The following MMP15 variants were observed in gnomAD, a reference collection of about 807,000 sequenced individuals.
MMP15 encodes matrix metalloproteinase-15.
In MMP15, 36 loss-of-function variants were observed where a neutral mutation model predicts 65.0. That is an observed-to-expected ratio of 0.55 (90% confidence interval 0.42 to 0.73). The LOEUF (loss-of-function observed/expected upper bound fraction) is 0.73, where lower values mean the gene tolerates loss of function less well. Ranked by LOEUF, MMP15 falls within the 30% of genes least tolerant of loss-of-function variation. The probability of loss-of-function intolerance (pLI) is 0.00; values close to 1 mark genes in which losing one functional copy is unlikely to be tolerated. For synonymous variants in MMP15, 428 were observed against 410.2 expected (o/e 1.04, Z -0.52); for missense variants, 870 against 987.8 (o/e 0.88, Z 1.60).
chr16:58,037,587 C>T lies in MMP15; in HGVS notation c.278C>T (p.Pro93Leu), dbSNP rs968808352. 2.5e-6 allele frequency: 4 copies of T among 1,614,198 alleles called. No homozygotes were observed. Among genetic ancestry groups the T allele is most frequent in the Non-Finnish European group, 3.4e-6 (4 of 1,180,038 alleles). ...LAEMQRFYGIPVTGVLDEETK... is the reference protein window; with the variant it reads ...LAEMQRFYGILVTGVLDEETK... Reference sequence around the variant, plus strand: ...GAGATGCAGCGCTTCTACGGGATCCCAGTCACCGGTGTGCTCGACGAAGAG... The same window carrying T: ...GAGATGCAGCGCTTCTACGGGATCCTAGTCACCGGTGTGCTCGACGAAGAG... The change falls in exon 2 of 10, where the codon CCA becomes CTA. Residue 93 changes from proline (P) to leucine (L), a missense_variant. Pro to Leu is a moderately conservative substitution (Grantham distance 98). Coordinates refer to ENST00000219271, the MANE Select transcript of MMP15 (RefSeq NM_002428.4).
In MMP15 at chr16:58,042,317, T is replaced by A; in HGVS notation, c.1251T>A (p.Gly417=). The change falls in exon 7 of 10, where the codon GGT becomes GGA. Residue 417 remains glycine (G), a synonymous_variant. Coordinates refer to ENST00000219271, the MANE Select transcript of MMP15 (RefSeq NM_002428.4). ...GGCACTTCTGGCGTGGTCTGCCCGG[T>A]GACATCAGTGCTGCCTACGAGCGCC... ...PIGHFWRGLP[G]DISAAYERQD... 1.2e-6 allele frequency: 2 copies of A among 1,614,244 alleles called. No homozygotes were observed.
At chr16:58,043,923 C>T (rs528787076) in intron 9 of MMP15, among the ~76,000 whole-genome samples, 36 of 152,338 alleles carry the variant, frequency 2.4e-4, no homozygotes, top group South Asian at 1.0e-3. Context: ...TGCCTGCGTC[C>T]GGAGCTGGAG....
rs754307899 is a variant in MMP15, at chr16:58,043,207, T to C, written c.1304-3T>C. Reference sequence around the variant, plus strand: ...CTCACTGTGCCTGCCACCCCTCCTGTAGGTGACCGCTACTGGCTCTTTCGA... The same window carrying C: ...CTCACTGTGCCTGCCACCCCTCCTGCAGGTGACCGCTACTGGCTCTTTCGA... On this transcript the variant is annotated splice_region_variant and splice_polypyrimidine_tract_variant and intron_variant, in intron 7 of 9. Coordinates refer to ENST00000219271, the MANE Select transcript of MMP15 (RefSeq NM_002428.4). 4.4e-6 allele frequency: 7 copies of C among 1,585,658 alleles called. No individual in the cohort carries two copies. The African/African-American group carries it at 9.4e-5, about 21-fold the overall frequency.
Position 58,037,640 on chromosome 16 carries a change from C to T in MMP15, c.311+20C>T. The T allele has an allele frequency of 6.2e-7, 1 of 1,613,982 alleles. No individual in the cohort carries two copies. Among genetic ancestry groups the T allele is most frequent in the Non-Finnish European group, 8.5e-7 (1 of 1,179,944 alleles). Reference sequence around the variant, plus strand: ...CAAGGAGTGAGTTCCCCCCACCATCCACACCCCACAGGCACCTGCCTTCCA... The same window carrying T: ...CAAGGAGTGAGTTCCCCCCACCATCTACACCCCACAGGCACCTGCCTTCCA... On this transcript the variant is annotated intron_variant, in intron 2 of 9. Coordinates refer to ENST00000219271, the MANE Select transcript of MMP15 (RefSeq NM_002428.4).
intron 1 of MMP15, among the ~76,000 whole-genome samples, chr16:58,031,736 G>T (rs983838661): frequency 6.6e-6 from 1 of 152,054 alleles, no homozygotes; most frequent in Non-Finnish European, 1.5e-5. Flanking sequence ...AGACCCATGG[G>T]AGGGAGCAGA....
At chr16:58,039,830 GC>G (rs756065541) in intron 3 of MMP15, 44 bp from the exon 4 acceptor site, 19 of 1,549,356 alleles carry the variant, frequency 1.2e-5, no homozygotes, top group African/African-American at 2.7e-5. Context: ...AGGATAGTAG[GC>G]CCTTGGCCCT....
intron 1 of MMP15, among the ~76,000 whole-genome samples, chr16:58,030,736 T>G (rs1963881305): frequency 1.3e-5 from 2 of 152,146 alleles, no homozygotes; most frequent in Non-Finnish European, 2.9e-5. Flanking sequence ...TGATACATAG[T>G]GCACAACACG....
At chr16:58,033,440 C>T (rs1959270666) in intron 1 of MMP15, among the ~76,000 whole-genome samples, 1 of 152,210 alleles carries the variant, frequency 6.6e-6, no homozygotes, top group South Asian at 2.1e-4. Context: ...TGTGAGCATT[C>T]AGTGGGGGCT....
chr16:58,042,442 AGAGGAGGT>A, intron 7 of MMP15, 73 bp downstream of exon 7: 3 of 1,572,002 alleles, frequency 1.9e-6, no homozygotes, highest in Non-Finnish European at 1.7e-6. Context: ...ATCTGAGAGA[AGAGGAGGT>A]GAAGGGTTGC....
intron 4 of MMP15, 149 bp downstream of exon 4, chr16:58,040,331 G>A (rs577480657): frequency 5.7e-6 from 6 of 1,048,270 alleles, no homozygotes; most frequent in South Asian, 5.0e-5. Context: ...ATTTCAGTCT[G>A]TTGTCCCACC....
chr16:58,035,220 T>C (rs1326356324), intron 1 of MMP15, among the ~76,000 whole-genome samples: 2 of 152,320 alleles, frequency 1.3e-5, no homozygotes, highest in East Asian at 1.9e-4. Flanking sequence ...CACAGGAGCC[T>C]TGGGAGAGGT....
chr16:58,028,207 C>T (rs533544604), intron 1 of MMP15, among the ~76,000 whole-genome samples: 1 of 152,220 alleles, frequency 6.6e-6, no homozygotes, highest in Non-Finnish European at 1.5e-5. Context: ...CCTACCCCAA[C>T]TCCCCAGCTC....
chr16:58,026,618 C>T (rs1298574532), intron 1 of MMP15, 106 bp downstream of exon 1: 2 of 1,189,156 alleles, frequency 1.7e-6, no homozygotes, highest in African/African-American at 1.6e-5. Flanking sequence ...GACGCGCCCC[C>T]TGTTCTGGGC....
In MMP15 at chr16:58,038,362, G is replaced by C; in HGVS notation, c.408G>C (p.Gly136=). The C allele has an allele frequency of 6.2e-7, 1 of 1,614,098 alleles. No individual in the cohort carries two copies. The highest frequency in any genetic ancestry group is 2.2e-5 in the East Asian group (1 of 44,868). Residue 136 remains glycine, a synonymous_variant, in exon 3 of 10, where the codon GGG becomes GGC. Transcript: ENST00000219271. ...RRRRKRYALT[G]RKWNNHHLTF... The stretch of plus-strand genomic sequence containing the variant: ...GTCGGAAGCGCTACGCCCTCACCGG[G>C]AGGAAGTGGAACAACCACCATCTGA...
rs1194812379 is a variant in MMP15, at chr16:58,045,590, G to GTTTGT, written c.*158_*162dup. 8.9e-6 allele frequency: 6 copies of GTTTGT among 674,100 alleles called. No homozygotes were observed. Among genetic ancestry groups the GTTTGT allele is most frequent in the Non-Finnish European group, 1.4e-5 (6 of 414,254 alleles). 41.8% of individuals were successfully genotyped at this position (674,100 alleles called of 1,614,324 possible). A position where few individuals can be genotyped will look rare whatever the true frequency, so the allele number is the denominator to read the frequency against. Reference sequence around the variant, plus strand: ...CCGCCCTCATTATTTATGTCCAGGTGTTTGTTTTGTTTTGTTTTTGGCACC... The same window carrying GTTTGT: ...CCGCCCTCATTATTTATGTCCAGGTGTTTGTTTTGTTTTGTTTTGTTTTTGGCACC... On this transcript the variant is annotated 3_prime_UTR_variant, in exon 10 of 10. Coordinates refer to ENST00000219271, the MANE Select transcript of MMP15 (RefSeq NM_002428.4).
Position 58,045,681 on chromosome 16 carries a change from T to C in MMP15, c.*235T>C, listed in dbSNP as rs1243246037. On this transcript the variant is annotated 3_prime_UTR_variant, in exon 10 of 10. Coordinates refer to ENST00000219271, the MANE Select transcript of MMP15 (RefSeq NM_002428.4). ...GTGTTTAGAATTTTCTAAATGTAGT[T>C]CTGCTCCAGACAGGGAATTAGGCCC... 3 of 541,142 alleles carry C rather than the reference T, an allele frequency of 5.5e-6. No homozygotes were observed. Among genetic ancestry groups the C allele is most frequent in the Non-Finnish European group, 9.7e-6 (3 of 309,594 alleles). 33.5% of individuals were successfully genotyped at this position (541,142 alleles called of 1,614,324 possible).
At chr16:58,041,569 T>C (rs1301508474) in intron 5 of MMP15, 48 bp from the exon 6 acceptor site, 1 of 1,554,130 alleles carries the variant, frequency 6.4e-7, no homozygotes, top group Middle Eastern at 1.7e-4. Context: ...GGCCCAGGGT[T>C]CTGAGTAGGA....
chr16:58,033,520 G>A (rs1269347955), intron 1 of MMP15, among the ~76,000 whole-genome samples: 1 of 152,226 alleles, frequency 6.6e-6, no homozygotes, highest in Non-Finnish European at 1.5e-5. Flanking sequence ...CCAGGGGCCA[G>A]GAACCACCCT....
intron 1 of MMP15, among the ~76,000 whole-genome samples, chr16:58,036,456 G>A (rs1295319805): frequency 6.6e-6 from 1 of 152,218 alleles, no homozygotes; most frequent in African/African-American, 2.4e-5. Context: ...AGCTGGCACA[G>A]AGGGTGTTGA....
Sources: gnomAD v4.1 joint callset for allele counts (sites outside exome capture counted in the v4.1 genomes callset) on GRCh38, gnomAD v4.1.1 for gene constraint, MANE v1.5 for transcripts, NCBI Gene and HGNC (gene_info 2026-07-23, HGNC 2026-07-21) for gene names.